WSCD2: variants seen among roughly 807,000 people sequenced by gnomAD.
WSCD2 encodes sialate:O-sulfotransferase 2.
WSCD2 carries 28 observed loss-of-function variants against 55.7 expected under a neutral mutation model. The observed-to-expected ratio is 0.50, with a 90% confidence interval of 0.37 to 0.69. The LOEUF (loss-of-function observed/expected upper bound fraction) is 0.69. Ranked by LOEUF, WSCD2 falls within the 30% of genes least tolerant of loss-of-function variation. WSCD2 has a pLI of 0.00. For missense variants in WSCD2, 616 were observed against 762.1 expected, an observed-to-expected ratio of 0.81 and a Z score of 2.26; for synonymous variants, 301 against 301.9, an observed-to-expected ratio of 1.00 and a Z score of 0.03.
At chr12:108,220,022 A>T (rs1887305486) in intron 4 of WSCD2, among the ~76,000 whole-genome samples, 1 of 152,228 alleles carries the variant, frequency 6.6e-6, no homozygotes, top group South Asian at 2.1e-4. Context: ...CAGAGTGGAC[A>T]CGAAGGGTGG....
At chr12:108,140,982 G>A (rs770900602) in intron 1 of WSCD2, among the ~76,000 whole-genome samples, 37 of 152,322 alleles carry the variant, frequency 2.4e-4, no homozygotes, top group Middle Eastern at 3.4e-3. Flanking sequence ...CTATGGCTAC[G>A]GGAAACAATG....
At chr12:108,140,278 A>G (rs934143687) in intron 1 of WSCD2, among the ~76,000 whole-genome samples, 2 of 152,184 alleles carry the variant, frequency 1.3e-5, no homozygotes, top group Admixed American at 6.5e-5. Context: ...TCAATGACCT[A>G]AAATGGCGCC....
At chr12:108,215,432 CA>C (rs1245379931) in intron 4 of WSCD2, among the ~76,000 whole-genome samples, 1 of 152,190 alleles carries the variant, frequency 6.6e-6, no homozygotes, top group Non-Finnish European at 1.5e-5. Context: ...GACTAGAAAG[CA>C]CCTAGCACAG....
At chr12:108,241,785 T>C (rs1889767507) in intron 8 of WSCD2, among the ~76,000 whole-genome samples, 1 of 152,246 alleles carries the variant, frequency 6.6e-6, no homozygotes, top group Admixed American at 6.5e-5. Context: ...GTTTATTACC[T>C]GGATTATGGT....
intron 1 of WSCD2, among the ~76,000 whole-genome samples, chr12:108,162,279 T>C (rs1463445071): frequency 3.3e-5 from 5 of 152,074 alleles, no homozygotes; most frequent in Non-Finnish European, 5.9e-5. Context: ...CTCACATCTC[T>C]CCGGAAGCTC....
At position 108,250,423 on chromosome 12, in the gene WSCD2, G is replaced by C. The variant is rs1474224016; in HGVS notation, c.*2080G>C. 6.6e-6 allele frequency: 1 copy of C among 152,262 alleles called. No individual in the cohort carries two copies. The highest frequency in any genetic ancestry group is 1.9e-4 in the East Asian group (1 of 5,200). The allele number at this position is 152,262 out of a possible 1,614,324, so 9.4% of individuals were successfully genotyped here. A position where few individuals can be genotyped will look rare whatever the true frequency, so the allele number is the denominator to read the frequency against. ...GTGTTCTCCTGCCTTTCTATGTTTT[G>C]AAACTGTATCCCACAAGTTGCCGGT... is the stretch of plus-strand genomic sequence containing the variant. On this transcript the variant is annotated 3_prime_UTR_variant, in exon 9 of 9. Coordinates refer to ENST00000547525, the MANE Select transcript of WSCD2 (RefSeq NM_014653.4).
chr12:108,232,943 G>C (rs943733701), intron 7 of WSCD2, 48 bp downstream of exon 7: 2 of 1,594,016 alleles, frequency 1.3e-6, no homozygotes, highest in Non-Finnish European at 1.7e-6. Flanking sequence ...CTGGGCTTGG[G>C]AAGGTCCCCA....
intron 1 of WSCD2, among the ~76,000 whole-genome samples, chr12:108,183,921 C>A (rs1882123244): frequency 6.6e-6 from 1 of 152,200 alleles, no homozygotes; most frequent in Non-Finnish European, 1.5e-5. Flanking sequence ...ACCTACCAAG[C>A]AGAGCCCCTG....
intron 7 of WSCD2, among the ~76,000 whole-genome samples, chr12:108,236,636 C>G (rs1310931611): frequency 1.3e-5 from 2 of 151,850 alleles, no homozygotes; most frequent in African/African-American, 4.8e-5. Context: ...CTACCTCTGC[C>G]CAGTATGTGC....
chr12:108,161,183 A>G (rs143381731), intron 1 of WSCD2, among the ~76,000 whole-genome samples: 11 of 152,334 alleles, frequency 7.2e-5, no homozygotes, highest in Admixed American at 7.2e-4. Context: ...ATTCCAATTT[A>G]CCTTGCAGAG....
At chr12:108,156,087 A>G (rs992584494) in intron 1 of WSCD2, among the ~76,000 whole-genome samples, 9 of 152,244 alleles carry the variant, frequency 5.9e-5, no homozygotes. Context: ...CCAAAACTCT[A>G]AAAATCTCAC....
At chr12:108,191,878 C>A (rs568784391) in intron 1 of WSCD2, among the ~76,000 whole-genome samples, 74 of 152,240 alleles carry the variant, frequency 4.9e-4, no homozygotes, top group Non-Finnish European at 7.2e-4. Context: ...CACATCCCTC[C>A]GGCAGATCTC....
In WSCD2 at chr12:108,248,803, A is replaced by G. The variant is rs1890265081; in HGVS notation, c.*460A>G. Reference sequence around the variant, plus strand: ...GCTGAGATTTCGCAGCCCCCTTCTCATCTCCACCCAAGAAGTGCTGGCACC... The same window carrying G: ...GCTGAGATTTCGCAGCCCCCTTCTCGTCTCCACCCAAGAAGTGCTGGCACC... On this transcript the variant is annotated 3_prime_UTR_variant, in exon 9 of 9. Coordinates refer to ENST00000547525, the MANE Select transcript of WSCD2 (RefSeq NM_014653.4). This position sits in a 1 kb window ranked among gnomAD's most constrained non-coding sequence, Gnocchi z 4.3. 1 of 991,128 alleles carries G rather than the reference A, an allele frequency of 1.0e-6. No individual in the cohort carries two copies. Among genetic ancestry groups the G allele is most frequent in the African/African-American group, 1.7e-5 (1 of 57,298 alleles). The allele number at this position is 991,128 out of a possible 1,614,324, so 61.4% of individuals were successfully genotyped here.
chr12:108,165,462 C>T (rs923016723), intron 1 of WSCD2, among the ~76,000 whole-genome samples: 23 of 152,198 alleles, frequency 1.5e-4, no homozygotes, highest in African/African-American at 5.5e-4. Context: ...GAACTTCTAG[C>T]TCAAGTGACC....
At position 108,204,908 on chromosome 12, in the gene WSCD2, A is replaced by C. The variant is rs181387908; in HGVS notation, c.383-1381A>C. Among the ~76,000 whole-genome samples the C allele has an allele frequency of 1.8e-3, 268 of 152,348 alleles. 1 individual carries two copies. The highest frequency in any genetic ancestry group is 3.0e-3 in the Non-Finnish European group (201 of 68,030). On this transcript the variant is annotated intron_variant, in intron 2 of 8. Coordinates refer to ENST00000547525, the MANE Select transcript of WSCD2 (RefSeq NM_014653.4). ...GTTTAAACCAGACAGCTGCCTAGCC[A>C]AAGAAGTGATTAAGTGGCATTTAGT...
At chr12:108,144,272 G>T (rs1877161561) in intron 1 of WSCD2, among the ~76,000 whole-genome samples, 1 of 152,086 alleles carries the variant, frequency 6.6e-6, no homozygotes, top group South Asian at 2.1e-4. Flanking sequence ...TACAAACCTG[G>T]GTCATACGCG....
At chr12:108,163,079 C>T (rs1879229528) in intron 1 of WSCD2, among the ~76,000 whole-genome samples, 1 of 152,182 alleles carries the variant, frequency 6.6e-6, no homozygotes, top group South Asian at 2.1e-4. Flanking sequence ...AGTGGTAGGT[C>T]ATCAGCTAAG....
At chr12:108,227,201 C>A in intron 6 of WSCD2, 37 bp downstream of exon 6, 1 of 1,586,498 alleles carries the variant, frequency 6.3e-7, no homozygotes, top group East Asian at 2.2e-5. Context: ...CCCAGATGCA[C>A]TCCCAGTGGC....
At chr12:108,166,761 T>TTC (rs1879667050) in intron 1 of WSCD2, among the ~76,000 whole-genome samples, 2 of 124,820 alleles carry the variant, frequency 1.6e-5, no homozygotes, top group Admixed American at 8.8e-5. Flanking sequence ...TCTTTCTTTC[T>TTC]TTTCTTTCTT....
Sources: allele counts gnomAD v4.1 joint callset (sites outside exome capture counted in the v4.1 genomes callset), GRCh38; gene constraint gnomAD v4.1.1; non-coding constraint Gnocchi (gnomAD v3.1); transcripts MANE v1.5; gene names NCBI Gene and HGNC (gene_info 2026-07-23, HGNC 2026-07-21).